The following PGBD5 variants were observed in gnomAD, a reference collection of about 807,000 sequenced individuals.
PGBD5 encodes the protein piggyBac transposable element-derived protein 5.
PGBD5 carries 14 observed loss-of-function variants against 47.9 expected under a neutral mutation model. The observed-to-expected ratio is 0.29, with a 90% confidence interval of 0.19 to 0.46. The LOEUF is 0.46. Among genes scored for constraint, PGBD5 ranks in the 20% least tolerant of loss-of-function variants. PGBD5 has a pLI of 1.00. For missense variants in PGBD5, 635 were observed against 716.0 expected (o/e 0.89, Z 1.29); for synonymous variants, 316 against 306.3 (o/e 1.03, Z -0.33).
At chr1:230,370,045 G>C (rs368304243) in intron 1 of PGBD5, among the ~76,000 whole-genome samples, 3 of 152,346 alleles carry the variant, frequency 2.0e-5, no homozygotes, top group Non-Finnish European at 4.4e-5. Context: ...ATCTCACAAG[G>C]AGAGTTACGT....
At chr1:230,325,584 C>T (rs541361379) in intron 5 of PGBD5, among the ~76,000 whole-genome samples, 169 bp from the exon 6 acceptor site, 1 of 152,274 alleles carries the variant, frequency 6.6e-6, no homozygotes, top group East Asian at 1.9e-4. Context: ...CCACCAGGTG[C>T]TTCAGAGGGA....
Position 230,354,623 on chromosome 1 carries a change from C to T in PGBD5, c.759+2271G>A, listed in dbSNP as rs115416534. Among the ~76,000 whole-genome samples the T allele has an allele frequency of 2.1e-3, 314 of 152,254 alleles. 1 individual carries two copies. The highest frequency in any genetic ancestry group is 7.2e-3 in the African/African-American group (299 of 41,552). ...CATAAAAATAGGCTCCAAGGAGTGG[C>T]CATAGATCTGCTTCTTCAAGGTAAA... On this transcript the variant is annotated intron_variant, in intron 2 of 6. Coordinates refer to ENST00000391860, the MANE Select transcript of PGBD5 (RefSeq NM_001258311.2).
chr1:230,376,233 G>A (rs1020410865), intron 1 of PGBD5, among the ~76,000 whole-genome samples: 1 of 152,098 alleles, frequency 6.6e-6, no homozygotes, highest in African/African-American at 2.4e-5. Flanking sequence ...CTAAGAAGAG[G>A]ACTCCAAGCT....
chr1:230,408,155 T>C (rs1209780659), intron 1 of PGBD5, among the ~76,000 whole-genome samples: 24 of 152,228 alleles, frequency 1.6e-4, no homozygotes, highest in Admixed American at 1.6e-3. Flanking sequence ...ATCAAGCCAC[T>C]GACAGCATGA....
intron 1 of PGBD5, among the ~76,000 whole-genome samples, chr1:230,421,189 G>T (rs1250940255): frequency 6.6e-6 from 1 of 152,140 alleles, no homozygotes; most frequent in African/African-American, 2.4e-5. Context: ...CTCCTCTTCT[G>T]GAAGGCAGCT....
intron 1 of PGBD5, among the ~76,000 whole-genome samples, chr1:230,402,863 G>A (rs1001590906): frequency 6.6e-6 from 1 of 152,176 alleles, no homozygotes; most frequent in Non-Finnish European, 1.5e-5. Flanking sequence ...CAATGATATG[G>A]TAGCTTTGAG....
At chr1:230,404,706 G>A (rs1657256976) in intron 1 of PGBD5, among the ~76,000 whole-genome samples, 1 of 150,056 alleles carries the variant, frequency 6.7e-6, no homozygotes, top group South Asian at 2.1e-4. Flanking sequence ...CTGACGTTTG[G>A]CAGATCAACT....
intron 3 of PGBD5, among the ~76,000 whole-genome samples, chr1:230,347,108 C>T (rs1667485830): frequency 6.6e-6 from 1 of 152,156 alleles, no homozygotes; most frequent in African/African-American, 2.4e-5. Context: ...TTGCCCCAGC[C>T]CTCTAGTTCA....
chr1:230,421,161 T>C (rs1197688034), intron 1 of PGBD5, among the ~76,000 whole-genome samples: 1 of 152,128 alleles, frequency 6.6e-6, no homozygotes, highest in Non-Finnish European at 1.5e-5. Flanking sequence ...AACAGGGAGC[T>C]AGAGAAAAAT....
intron 1 of PGBD5, among the ~76,000 whole-genome samples, chr1:230,406,924 C>T (rs978589163): frequency 4.6e-5 from 7 of 152,194 alleles, no homozygotes; most frequent in Admixed American, 4.6e-4. Flanking sequence ...CAACCTCCAC[C>T]GCCCACGTTC....
chr1:230,353,849 C>T (rs980307636), intron 2 of PGBD5, among the ~76,000 whole-genome samples: 6 of 152,344 alleles, frequency 3.9e-5, no homozygotes, highest in Non-Finnish European at 8.8e-5. Flanking sequence ...GCTGCGAATC[C>T]AAGGCTCCTT....
intron 3 of PGBD5, among the ~76,000 whole-genome samples, chr1:230,347,646 AT>A (rs1346218099): frequency 6.6e-6 from 1 of 151,252 alleles, no homozygotes; most frequent in Non-Finnish European, 1.5e-5. Flanking sequence ...TGCCTGGCTA[AT>A]TTTTTTTGTA....
At position 230,332,998 on chromosome 1, in the gene PGBD5, G is replaced by A; in HGVS notation, c.1119C>T (p.Cys373=). 3 of 1,612,806 alleles carry A rather than the reference G, an allele frequency of 1.9e-6. No individual in the cohort carries two copies. The highest frequency in any genetic ancestry group is 2.2e-5 in the South Asian group (2 of 90,954). ...CGLLRARKSD[C]TGLPLSMLTN... ...TCAGCATGGACAGTGGGAGGCCGGT[G>A]CAGTCACTCTTCCGCGCGCGGAGCA... Residue 373 remains cysteine, a synonymous_variant, in exon 5 of 7, where the codon TGC becomes TGT. Coordinates refer to ENST00000391860, the MANE Select transcript of PGBD5 (RefSeq NM_001258311.2).
intron 4 of PGBD5, among the ~76,000 whole-genome samples, chr1:230,335,800 G>GACACACACACAGACAC: frequency 3.6e-4 from 1 of 2,766 alleles, no homozygotes; most frequent in East Asian, 0.012. Context: ...CAGGCACAAA[G>GACACACACACAGACAC]ACACACAGAC....
Position 230,319,426 on chromosome 1 carries a change from TG to T in PGBD5, c.*3998del, listed in dbSNP as rs1474497583. ...CCCCAATCCCAGGCAAGTGGGGAAATGTTTTTTTTTTGCCATGAATGCAGAC... is the reference window on the plus strand; with the variant it reads ...CCCCAATCCCAGGCAAGTGGGGAAATTTTTTTTTTTGCCATGAATGCAGAC... On this transcript the variant is annotated 3_prime_UTR_variant, in exon 7 of 7. Coordinates refer to ENST00000391860, the MANE Select transcript of PGBD5 (RefSeq NM_001258311.2). 4.0e-5 allele frequency: 6 copies of T among 151,102 alleles called. No homozygotes were observed. Among genetic ancestry groups the T allele is most frequent in the Admixed American group, 4.0e-4 (6 of 15,156 alleles). The allele number at this position is 151,102 out of a possible 1,614,324, so 9.4% of individuals were successfully genotyped here.
intron 1 of PGBD5, among the ~76,000 whole-genome samples, chr1:230,393,844 A>T (rs1166729085): frequency 6.8e-6 from 1 of 148,146 alleles, no homozygotes; most frequent in Non-Finnish European, 1.5e-5. Context: ...AAAAAAAAAA[A>T]TAATAGGCCC....
chr1:230,346,050 C>CT lies in PGBD5; in HGVS notation c.894+4907dup, dbSNP rs528261676. Among the ~76,000 whole-genome samples, 359 of 151,354 alleles carry CT rather than the reference C, an allele frequency of 2.4e-3. 3 individuals carry two copies. The highest frequency in any genetic ancestry group is 8.2e-3 in the African/African-American group (339 of 41,216). The stretch of plus-strand genomic sequence containing the variant: ...ATGCATTTTTGACTTAAGATATTTT[C>CT]TTTTTTTTTGAGACAGGGTCTCGCT... On this transcript the variant is annotated intron_variant, in intron 3 of 6. Coordinates refer to ENST00000391860, the MANE Select transcript of PGBD5 (RefSeq NM_001258311.2).
At chr1:230,389,235 G>A (rs914728668) in intron 1 of PGBD5, among the ~76,000 whole-genome samples, 9 of 150,794 alleles carry the variant, frequency 6.0e-5, no homozygotes, top group South Asian at 2.1e-4. Flanking sequence ...GTGCAGTGGC[G>A]CGACCTTGGC....
chr1:230,371,277 G>A (rs1025959023), intron 1 of PGBD5, among the ~76,000 whole-genome samples: 1 of 152,102 alleles, frequency 6.6e-6, no homozygotes, highest in Non-Finnish European at 1.5e-5. Flanking sequence ...TCACAAAAAG[G>A]AACACAGCAA....
Sources: allele counts gnomAD v4.1 joint callset (sites outside exome capture counted in the v4.1 genomes callset), GRCh38; gene constraint gnomAD v4.1.1; transcripts MANE v1.5; gene names NCBI Gene and HGNC (gene_info 2026-07-23, HGNC 2026-07-21).